SLCO4A1: variants seen among roughly 807,000 people sequenced by gnomAD.
The protein encoded by SLCO4A1 is colon organic anion transporter.
A neutral mutation model predicts 64.6 loss-of-function variants in SLCO4A1; 51 were observed. The ratio of observed to expected loss-of-function variants is 0.79; its 90% CI spans 0.63 to 1.00. The LOEUF is 1.00. Ranked by LOEUF, SLCO4A1 falls within the 50% of genes least tolerant of loss-of-function variation. The pLI, the probability that SLCO4A1 is intolerant of heterozygous loss-of-function variation, is 0.00. For synonymous variants in SLCO4A1, 471 were observed against 444.9 expected, an observed-to-expected ratio of 1.06 and a Z score of -0.74; for missense variants, 919 against 980.5, an observed-to-expected ratio of 0.94 and a Z score of 0.84.
chr20:62,661,126 G>T lies in SLCO4A1; in HGVS notation c.1072G>T (p.Gly358Trp), dbSNP rs1569135314. Residue 358 changes from glycine to tryptophan, a missense_variant, in exon 5 of 12, where the codon GGG becomes TGG. Gly to Trp is a radical substitution (Grantham distance 184, BLOSUM62 -2). Coordinates refer to ENST00000217159, the MANE Select transcript of SLCO4A1 (RefSeq NM_016354.4). The surrounding 1 kb of genome is among the most constrained non-coding windows in gnomAD (Gnocchi z 5.2). ...GCACCAGTTGAAGGACAGCAGCCGT[G>T]GGGAGGCGAGCAACCCGGACTTTGG... ...EMHQLKDSSR[G>W]EASNPDFGKT... 6.3e-7 allele frequency: 1 copy of T among 1,576,180 alleles called. No individual in the cohort carries two copies. The highest frequency in any genetic ancestry group is 1.7e-5 in the Admixed American group (1 of 58,606).
At position 62,656,562 on chromosome 20, in the gene SLCO4A1, C is replaced by T; in HGVS notation, c.108C>T (p.Gly36=). The T allele has an allele frequency of 6.3e-7, 1 of 1,584,834 alleles. No individual in the cohort carries two copies. The highest frequency in any genetic ancestry group is 8.5e-7 in the Non-Finnish European group (1 of 1,170,386). Residue 36 remains glycine (G), a synonymous_variant, in exon 2 of 12, where the codon GGC becomes GGT. Transcript: ENST00000217159. ...CACCCAGCAGGAGGGCATCCCCGGGCACACCCCTGAGCCCCGGCTCCCTCC... is the reference window on the plus strand; with the variant it reads ...CACCCAGCAGGAGGGCATCCCCGGGTACACCCCTGAGCCCCGGCTCCCTCC... The part of the protein sequence containing the change: ...HTPPSRRASP[G]TPLSPGSLRS...
At chr20:62,668,262 C>G (rs1306012550) in intron 9 of SLCO4A1, 78 bp downstream of exon 9, 5 of 1,529,574 alleles carry the variant, frequency 3.3e-6, no homozygotes, top group Non-Finnish European at 4.5e-6. Context: ...GATCCTGAGA[C>G]AGGAGCACTC....
intron 1 of SLCO4A1, among the ~76,000 whole-genome samples, chr20:62,646,612 G>A (rs1454866471): frequency 6.6e-6 from 1 of 152,268 alleles, no homozygotes; most frequent in Non-Finnish European, 1.5e-5. Flanking sequence ...AGGGCCTGCA[G>A]GGCTCCGGGG....
In SLCO4A1 at chr20:62,661,309, A is replaced by C. The variant is rs1285476901; in HGVS notation, c.1121+134A>C. Reference sequence around the variant, plus strand: ...TAACCTCTGTCGTGACCCTGGGCCAAGAGATTAAGGAGCAACAGATAGAGC... The same window carrying C: ...TAACCTCTGTCGTGACCCTGGGCCACGAGATTAAGGAGCAACAGATAGAGC... On this transcript the variant is annotated intron_variant, in intron 5 of 11. Coordinates refer to ENST00000217159, the MANE Select transcript of SLCO4A1 (RefSeq NM_016354.4). This position sits in a 1 kb window ranked among gnomAD's most constrained non-coding sequence, Gnocchi z 5.2. 6.0e-6 allele frequency: 4 copies of C among 664,082 alleles called. No homozygotes were observed. Among genetic ancestry groups the C allele is most frequent in the Non-Finnish European group, 8.0e-6 (3 of 373,692 alleles). The allele number at this position is 664,082 out of a possible 1,614,324, so 41.1% of individuals were successfully genotyped here.
intron 2 of SLCO4A1, among the ~76,000 whole-genome samples, chr20:62,678,218 A>G (rs534474100): frequency 6.6e-6 from 1 of 152,342 alleles, no homozygotes; most frequent in South Asian, 2.1e-4. Flanking sequence ...GCTGTGCATA[A>G]GAAGGAGAAG....
chr20:62,661,852 G>T lies in SLCO4A1; in HGVS notation c.1121+677G>T, dbSNP rs8119890. Among the ~76,000 whole-genome samples the T allele has an allele frequency of 7.9e-5, 12 of 151,736 alleles. No individual in the cohort carries two copies. In the East Asian group the frequency reaches 2.2e-3, roughly 27 times the overall value. On this transcript the variant is annotated intron_variant, in intron 5 of 11. Coordinates refer to ENST00000217159, the MANE Select transcript of SLCO4A1 (RefSeq NM_016354.4). This position sits in a 1 kb window ranked among gnomAD's most constrained non-coding sequence, Gnocchi z 5.2. ...GTGAACCCGGGGCCCTGAGCCGGTGGGGTCCTAGAGGGACAACAGAGGGGC... is the reference window on the plus strand; with the variant it reads ...GTGAACCCGGGGCCCTGAGCCGGTGTGGTCCTAGAGGGACAACAGAGGGGC...
Position 62,680,709 on chromosome 20 carries a change from C to T in SLCO4A1, n.212-4732C>T, listed in dbSNP as rs148277520. Among the ~76,000 whole-genome samples, 396 of 152,278 alleles carry T rather than the reference C, an allele frequency of 2.6e-3. 1 individual carries two copies. The highest frequency in any genetic ancestry group is 8.4e-3 in the African/African-American group (349 of 41,562). Reference sequence around the variant, plus strand: ...CTTTCAGAATGTTAAGCCTGCCCCCCACCCCCTGGGATACACTTGATCATG... The same window carrying T: ...CTTTCAGAATGTTAAGCCTGCCCCCTACCCCCTGGGATACACTTGATCATG... On this transcript the variant is annotated intron_variant and non_coding_transcript_variant, in intron 2 of 2. Transcript: ENST00000466818.
At chr20:62,680,139 G>A (rs1987761838) in intron 2 of SLCO4A1, among the ~76,000 whole-genome samples, 1 of 152,220 alleles carries the variant, frequency 6.6e-6, no homozygotes, top group African/African-American at 2.4e-5. Context: ...AACGTTCGTA[G>A]AAACTGCTGC....
At chr20:62,683,504 C>T (rs759179750) in intron 2 of SLCO4A1, among the ~76,000 whole-genome samples, 4 of 152,110 alleles carry the variant, frequency 2.6e-5, no homozygotes, top group South Asian at 4.1e-4. Flanking sequence ...AATACAGTCA[C>T]GTACCCTGGA....
Position 62,661,356 on chromosome 20 carries a change from C to A in SLCO4A1, c.1121+181C>A, listed in dbSNP as rs184685611. Among the ~76,000 whole-genome samples, 36 of 152,268 alleles carry A rather than the reference C, an allele frequency of 2.4e-4. No individual in the cohort carries two copies. In the East Asian group the frequency reaches 6.6e-3, roughly 28 times the overall value. On this transcript the variant is annotated intron_variant, in intron 5 of 11. Coordinates refer to ENST00000217159, the MANE Select transcript of SLCO4A1 (RefSeq NM_016354.4). The surrounding 1 kb of genome is among the most constrained non-coding windows in gnomAD (Gnocchi z 5.2). ...GAGCCTCTGGGCCAGGGGCCGCAGA[C>A]CCCGCCTCAGGGCTGCAGAGCCGTG...
chr20:62,660,591 C>A (rs1035525327), intron 4 of SLCO4A1, 58 bp downstream of exon 4: 3 of 1,573,000 alleles, frequency 1.9e-6, no homozygotes, highest in South Asian at 2.2e-5. Context: ...TTAGTCTTCG[C>A]GAAGGGGGCA....
At position 62,657,118 on chromosome 20, in the gene SLCO4A1, G is replaced by A; in HGVS notation, c.664G>A (p.Gly222Ser). The change falls in exon 2 of 12, where the codon GGC becomes AGC. Residue 222 changes from glycine (G) to serine (S), a missense_variant. By Grantham distance (56) the Gly-to-Ser change is moderately conservative (BLOSUM62 0). Transcript: ENST00000217159. Reference protein sequence around the residue: ...PGAVCADSTSGLSRYQLVFML... With the variant: ...PGAVCADSTSSLSRYQLVFML... ...CGCGGTGTGTGCGGACAGCACCTCG[G>A]GCCTGTCCCGCTACCAGCTGGTCTT... 10 of 1,580,736 alleles carry A rather than the reference G, an allele frequency of 6.3e-6. No homozygotes were observed. Among genetic ancestry groups the A allele is most frequent in the Non-Finnish European group, 8.6e-6 (10 of 1,165,072 alleles).
At chr20:62,678,849 A>C (rs1031526791) in intron 2 of SLCO4A1, among the ~76,000 whole-genome samples, 4 of 152,190 alleles carry the variant, frequency 2.6e-5, no homozygotes, top group African/African-American at 9.7e-5. Context: ...ACAGCTTCCA[A>C]AAGGCAAAGC....
intron 11 of SLCO4A1, among the ~76,000 whole-genome samples, chr20:62,669,294 C>A (rs1415652466): frequency 6.6e-6 from 1 of 152,208 alleles, no homozygotes; most frequent in Non-Finnish European, 1.5e-5. Context: ...ACTGTCCAGG[C>A]CCCCAGCAGC....
chr20:62,666,941 T>C (rs2147100009), intron 7 of SLCO4A1, among the ~76,000 whole-genome samples: 1 of 152,118 alleles, frequency 6.6e-6, no homozygotes, highest in South Asian at 2.1e-4. Flanking sequence ...GCTCCTGGAG[T>C]TGCCATGTGC....
rs113175827 is a variant in SLCO4A1 at position 62,671,913 on chromosome 20, G to A, written c.*20G>A. 5,808 of 1,607,154 alleles carry A rather than the reference G, an allele frequency of 3.6e-3. 15 individuals are homozygous for A. Among genetic ancestry groups the A allele is most frequent in the Non-Finnish European group, 4.4e-3 (5,190 of 1,179,954 alleles). ...GTCTGACCACCGCCCGCGCCCACCC[G>A]GCCACGGCGGGCACTCAGCATTTCC... is the stretch of plus-strand genomic sequence containing the variant. On this transcript the variant is annotated 3_prime_UTR_variant, in exon 12 of 12. Coordinates refer to ENST00000217159, the MANE Select transcript of SLCO4A1 (RefSeq NM_016354.4).
intron 1 of SLCO4A1, among the ~76,000 whole-genome samples, chr20:62,655,821 G>A (rs909106510): frequency 2.0e-5 from 3 of 152,176 alleles, no homozygotes; most frequent in South Asian, 2.1e-4. Context: ...CCTTCCTCAC[G>A]CCAAAGGGTG....
chr20:62,656,848 G>A lies in SLCO4A1; in HGVS notation c.394G>A (p.Glu132Lys). The A allele has an allele frequency of 3.7e-6, 6 of 1,608,322 alleles. No individual in the cohort carries two copies. The highest frequency in any genetic ancestry group is 5.1e-6 in the Non-Finnish European group (6 of 1,176,718). The change falls in exon 2 of 12, where the codon GAG (glutamate) becomes AAG (lysine). Residue 132 changes from glutamate (E) to lysine (K), a missense_variant. Coordinates refer to ENST00000217159, the MANE Select transcript of SLCO4A1 (RefSeq NM_016354.4). ...CATCAACACAGTCATCACCTCCCTG[G>A]AGCGCCGCTATGACCTGCACAGCTA... ...GFINTVITSL[E>K]RRYDLHSYQS...
rs796278417 is a variant in SLCO4A1 at position 62,661,657 on chromosome 20, GCCC to G, written c.1121+487_1121+489del. Reference sequence around the variant, plus strand: ...CGTACCCCCCGGGCCCTGGGATGCTGCCCCCCCATCTCCCTCCCTCCCTCAGAG... The same window carrying G: ...CGTACCCCCCGGGCCCTGGGATGCTGCCCCATCTCCCTCCCTCCCTCAGAG... On this transcript the variant is annotated intron_variant, in intron 5 of 11. Transcript: ENST00000217159. The surrounding 1 kb of genome is among the most constrained non-coding windows in gnomAD (Gnocchi z 5.2). 6.8e-6 allele frequency among the ~76,000 whole-genome samples: 1 copy of G among 146,452 alleles called. No individual in the cohort carries two copies. The highest frequency in any genetic ancestry group is 1.5e-5 in the Non-Finnish European group (1 of 66,388).
Sources: allele counts gnomAD v4.1 joint callset (sites outside exome capture counted in the v4.1 genomes callset), GRCh38; gene constraint gnomAD v4.1.1; non-coding constraint Gnocchi (gnomAD v3.1); transcripts MANE v1.5; gene names NCBI Gene and HGNC (gene_info 2026-07-23, HGNC 2026-07-21).